PPARG: variants seen among roughly 807,000 people sequenced by gnomAD.
The protein encoded by PPARG is peroxisome proliferator-activated receptor gamma.
In PPARG, 17 loss-of-function variants were observed where a neutral mutation model predicts 39.2. The ratio of observed to expected loss-of-function variants is 0.43; its 90% CI spans 0.30 to 0.65. The LOEUF is 0.65. Ranked by LOEUF, PPARG falls within the 30% of genes least tolerant of loss-of-function variation. The pLI is 0.13. For missense variants in PPARG, 406 were observed against 585.9 expected, an observed-to-expected ratio of 0.69 and a Z score of 3.17; for synonymous variants, 223 against 215.7, an observed-to-expected ratio of 1.03 and a Z score of -0.30.
At chr3:12,347,140 T>A (rs2048349154) in intron 2 of PPARG, among the ~76,000 whole-genome samples, 1 of 151,516 alleles carries the variant, frequency 6.6e-6, no homozygotes, top group African/African-American at 2.4e-5. Flanking sequence ...TGAGCCTAGA[T>A]TGTGCCACTG....
chr3:12,316,793 A>T (rs531321184), intron 2 of PPARG, among the ~76,000 whole-genome samples: 3 of 152,124 alleles, frequency 2.0e-5, no homozygotes, highest in African/African-American at 7.2e-5. Flanking sequence ...TGGCCTGTGT[A>T]CCATAAATTG....
intron 1 of PPARG, among the ~76,000 whole-genome samples, chr3:12,300,397 A>C (rs1159554904): frequency 1.3e-5 from 2 of 152,216 alleles, no homozygotes; most frequent in Non-Finnish European, 2.9e-5. Flanking sequence ...TTGTGTCTTT[A>C]AGCCATTCAT....
At chr3:12,313,512 A>G (rs915733018) in intron 2 of PPARG, among the ~76,000 whole-genome samples, 4 of 152,252 alleles carry the variant, frequency 2.6e-5, no homozygotes, top group Non-Finnish European at 5.9e-5. Context: ...GGGATGCTCA[A>G]CAAGTAAGTG....
At position 12,298,324 on chromosome 3, in the gene PPARG, A is replaced by AAAAAAAAAAG. The variant is rs764771478; in HGVS notation, c.-83+9193_-83+9194insAAAAAAGAAA. ...AAAAAAAAAAAAAAAAAAAAAAAAA[A>AAAAAAAAAAG]AAAGAAATGTAAAATAGCAAGCGAG... On this transcript the variant is annotated intron_variant, in intron 1 of 7. Transcript: ENST00000651735. 1.3e-3 allele frequency among the ~76,000 whole-genome samples: 176 copies of AAAAAAAAAAG among 134,674 alleles called. 8 individuals are homozygous for AAAAAAAAAAG. Among genetic ancestry groups the AAAAAAAAAAG allele is most frequent in the Middle Eastern group, 4.1e-3 (1 of 246 alleles). The allele number at this position is 134,674 out of a possible 152,430, so 88.4% of individuals were successfully genotyped here.
intron 2 of PPARG, among the ~76,000 whole-genome samples, chr3:12,343,413 C>T (rs2048239745): frequency 1.3e-5 from 2 of 152,184 alleles, no homozygotes; most frequent in South Asian, 2.1e-4. Context: ...GAATATCTTT[C>T]GCACTCCATT....
intron 1 of PPARG, among the ~76,000 whole-genome samples, chr3:12,290,947 G>A (rs1352038793): frequency 2.6e-5 from 4 of 152,136 alleles, no homozygotes; most frequent in Non-Finnish European, 5.9e-5. Flanking sequence ...TTCTTTCCTA[G>A]CATCTATATA....
At chr3:12,372,199 CT>C in intron 2 of PPARG, 3 of 715,800 alleles carry the variant, frequency 4.2e-6, no homozygotes, top group Non-Finnish European at 7.8e-6. Flanking sequence ...CCCTGCCCCC[CT>C]GCCTGCCTGG....
At chr3:12,410,828 A>G (rs1200394053) in intron 6 of PPARG, among the ~76,000 whole-genome samples, 3 of 152,216 alleles carry the variant, frequency 2.0e-5, no homozygotes, top group Admixed American at 6.5e-5. Flanking sequence ...TATTGGAAAG[A>G]TATCTGTCCT....
rs146288451 is a variant in PPARG, at chr3:12,371,982, G to A, written c.-8-7722G>A. The A allele has an allele frequency of 1.2e-3, 881 of 716,324 alleles. 6 individuals are homozygous for A. The African/African-American group carries it at 0.013, about 11-fold the overall frequency. 44.4% of individuals were successfully genotyped at this position (716,324 alleles called of 1,614,324 possible). Reference sequence around the variant, plus strand: ...CAGTAAGGATGGGCTGGATAAACAAGTTGGAACCACAGTTATGAGTACCAT... The same window carrying A: ...CAGTAAGGATGGGCTGGATAAACAAATTGGAACCACAGTTATGAGTACCAT... On this transcript the variant is annotated intron_variant, in intron 2 of 7. Transcript: ENST00000651735.
intron 2 of PPARG, among the ~76,000 whole-genome samples, chr3:12,326,184 C>T (rs1230844727): frequency 6.6e-6 from 1 of 152,134 alleles, no homozygotes; most frequent in African/African-American, 2.4e-5. Context: ...TACTCCACCC[C>T]CTACCCCCAA....
chr3:12,335,838 A>C (rs1354320735), intron 2 of PPARG, among the ~76,000 whole-genome samples: 1 of 152,122 alleles, frequency 6.6e-6, no homozygotes, highest in African/African-American at 2.4e-5. Flanking sequence ...ATGTGGGGAA[A>C]AAAAAAAAAA....
At chr3:12,309,105 C>A (rs112200889) in intron 1 of PPARG, among the ~76,000 whole-genome samples, 2 of 152,100 alleles carry the variant, frequency 1.3e-5, no homozygotes, top group African/African-American at 4.8e-5. Context: ...TATGGTAGAA[C>A]CTTTTCTGTT....
At chr3:12,312,294 C>G (rs569985152) in intron 1 of PPARG, 86 bp from the exon 2 acceptor site, 3 of 152,296 alleles carry the variant, frequency 2.0e-5, no homozygotes, top group Non-Finnish European at 2.9e-5. Context: ...TGGGCATGTA[C>G]ATTTTGGCAG....
chr3:12,315,121 T>C (rs1173734695), intron 2 of PPARG, among the ~76,000 whole-genome samples: 5 of 152,202 alleles, frequency 3.3e-5, no homozygotes, highest in Non-Finnish European at 7.3e-5. Context: ...TCCCCAGCCC[T>C]TCCCAGCCTC....
At chr3:12,425,161 G>T (rs1400550694) in intron 7 of PPARG, among the ~76,000 whole-genome samples, 1 of 152,222 alleles carries the variant, frequency 6.6e-6, no homozygotes, top group Non-Finnish European at 1.5e-5. Context: ...CCTGGAGGAA[G>T]GGGAGGGCTT....
chr3:12,381,529 CT>C, intron 4 of PPARG, 38 bp downstream of exon 4: 1 of 1,597,242 alleles, frequency 6.3e-7, no homozygotes, highest in Non-Finnish European at 8.6e-7. Flanking sequence ...ATTGTTGAAA[CT>C]TTATTATTTC....
At chr3:12,342,186 G>T (rs570013621) in intron 2 of PPARG, among the ~76,000 whole-genome samples, 1 of 152,302 alleles carries the variant, frequency 6.6e-6, no homozygotes, top group Non-Finnish European at 1.5e-5. Flanking sequence ...CTTGGATATA[G>T]TGTCCAGTTT....
chr3:12,290,354 T>G (rs1209304073), intron 1 of PPARG, among the ~76,000 whole-genome samples: 1 of 152,058 alleles, frequency 6.6e-6, no homozygotes. Context: ...AAGAATATAA[T>G]TTCTTTTTAA....
chr3:12,344,428 T>C (rs1028033331), intron 2 of PPARG, among the ~76,000 whole-genome samples: 1 of 151,828 alleles, frequency 6.6e-6, no homozygotes, highest in African/African-American at 2.4e-5. Context: ...CTACTATTAA[T>C]GGACTGATGA....
Sources: gnomAD v4.1 joint callset for allele counts (sites outside exome capture counted in the v4.1 genomes callset) on GRCh38, gnomAD v4.1.1 for gene constraint, MANE v1.5 for transcripts, NCBI Gene and HGNC (gene_info 2026-07-23, HGNC 2026-07-21) for gene names.